Variants in ALK observed in about 807,000 individuals in gnomAD.
ALK encodes the protein ALK receptor tyrosine kinase.
A neutral mutation model predicts 163.1 loss-of-function variants in ALK; 74 were observed. The observed-to-expected ratio is 0.45, with a 90% confidence interval of 0.38 to 0.55. The LOEUF is 0.55. ALK is among the 20% of genes least tolerant of loss of function. The pLI, the probability that ALK is intolerant of heterozygous loss-of-function variation, is 0.00. For synonymous variants in ALK, 960 were observed against 843.2 expected, an observed-to-expected ratio of 1.14 and a Z score of -2.40; for missense variants, 2,063 against 2,105.3, an observed-to-expected ratio of 0.98 and a Z score of 0.39.
chr2:29,546,770 T>C (rs1440715378), intron 3 of ALK, among the ~76,000 whole-genome samples: 1 of 152,124 alleles, frequency 6.6e-6, no homozygotes, highest in African/African-American at 2.4e-5. Context: ...GGGCATTCCA[T>C]TGATTTTTTT....
chr2:29,530,289 T>C (rs1441231879), intron 4 of ALK, among the ~76,000 whole-genome samples: 1 of 152,214 alleles, frequency 6.6e-6, no homozygotes, highest in Non-Finnish European at 1.5e-5. Context: ...TGCAAGGCCC[T>C]ATGGCCAGTC....
chr2:29,894,933 T>C, intron 1 of ALK, among the ~76,000 whole-genome samples: 1 of 152,114 alleles, frequency 6.6e-6, no homozygotes, highest in Middle Eastern at 3.2e-3. Context: ...TAGAGAGATG[T>C]AGCATTTGTT....
At chr2:29,780,565 A>G (rs72854203) in intron 1 of ALK, among the ~76,000 whole-genome samples, 1,881 of 152,368 alleles carry the variant, frequency 0.012, 31 homozygotes, top group African/African-American at 0.043. Context: ...GCCTAACTGC[A>G]ACATGACAGG....
intron 4 of ALK, among the ~76,000 whole-genome samples, chr2:29,424,119 A>C (rs537828026): frequency 1.3e-5 from 2 of 152,350 alleles, no homozygotes; most frequent in Admixed American, 1.3e-4. Flanking sequence ...GAAAGAGAGA[A>C]AGGTAAAGTG....
At chr2:29,662,905 A>G (rs1677393326) in intron 3 of ALK, among the ~76,000 whole-genome samples, 1 of 152,094 alleles carries the variant, frequency 6.6e-6, no homozygotes, top group South Asian at 2.1e-4. Context: ...AATAAGTACC[A>G]TATCTTTTAC....
At chr2:29,791,613 A>T (rs1664191562) in intron 1 of ALK, among the ~76,000 whole-genome samples, 1 of 152,132 alleles carries the variant, frequency 6.6e-6, no homozygotes, top group South Asian at 2.1e-4. Context: ...TGTATCCCAG[A>T]ACTTAAAGTA....
intron 1 of ALK, among the ~76,000 whole-genome samples, chr2:29,821,106 T>C (rs927750702): frequency 6.6e-6 from 1 of 152,112 alleles, no homozygotes; most frequent in African/African-American, 2.4e-5. Flanking sequence ...CCAAATCAAG[T>C]GTCACAGTGG....
chr2:29,384,002 C>T, intron 4 of ALK, 143 bp from the exon 5 acceptor site: 1 of 983,420 alleles, frequency 1.0e-6, no homozygotes, highest in Non-Finnish European at 1.6e-6. Flanking sequence ...CTCGAAGTGG[C>T]ACTGAGGACA....
intron 3 of ALK, among the ~76,000 whole-genome samples, chr2:29,646,699 G>T (rs1038709282): frequency 3.3e-5 from 5 of 151,940 alleles, no homozygotes; most frequent in Non-Finnish European, 7.4e-5. Flanking sequence ...CTGCCTGGTC[G>T]GCCCTCGCAA....
At chr2:29,675,869 G>A (rs1677857189) in intron 3 of ALK, among the ~76,000 whole-genome samples, 1 of 151,798 alleles carries the variant, frequency 6.6e-6, no homozygotes, top group African/African-American at 2.4e-5. Context: ...ATCCCCTTGA[G>A]GTAAGTTTTA....
At chr2:29,625,100 G>A (rs147730358) in intron 3 of ALK, among the ~76,000 whole-genome samples, 37 of 152,326 alleles carry the variant, frequency 2.4e-4, no homozygotes, top group Non-Finnish European at 3.7e-4. Flanking sequence ...ACTGGTGGCC[G>A]TGGAATGTGT....
intron 9 of ALK, among the ~76,000 whole-genome samples, chr2:29,283,606 G>T (rs116186002): frequency 1.2e-3 from 176 of 152,134 alleles, no homozygotes; most frequent in African/African-American, 4.1e-3. Flanking sequence ...GCTTGGTGAG[G>T]ACTAGTTTCA....
intron 3 of ALK, among the ~76,000 whole-genome samples, chr2:29,606,033 C>A (rs1675534213): frequency 1.3e-5 from 2 of 152,204 alleles, no homozygotes; most frequent in Non-Finnish European, 2.9e-5. Context: ...CCTCCCACCC[C>A]CACTGCCACC....
rs532257199 is a variant in ALK at position 29,357,254 on chromosome 2, G to T, written c.1282+26478C>A. Among the ~76,000 whole-genome samples the T allele has an allele frequency of 2.6e-5, 4 of 152,304 alleles. No individual in the cohort carries two copies. The South Asian group carries it at 6.2e-4, about 24-fold the overall frequency. ...AAATATGAGTCAGCAATGATTAGTGGTGACAATGCAGACACTAGTTAGTTC... is the reference window on the plus strand; with the variant it reads ...AAATATGAGTCAGCAATGATTAGTGTTGACAATGCAGACACTAGTTAGTTC... On this transcript the variant is annotated intron_variant, in intron 5 of 28. Transcript: ENST00000389048.
Position 29,908,580 on chromosome 2 carries a change from T to C in ALK, c.667+11413A>G, listed in dbSNP as rs78785245. Among the ~76,000 whole-genome samples, 25 of 152,370 alleles carry C rather than the reference T, an allele frequency of 1.6e-4. No individual in the cohort carries two copies. The East Asian group carries it at 4.8e-3, about 29-fold the overall frequency. On this transcript the variant is annotated intron_variant, in intron 1 of 28. Transcript: ENST00000389048. ...CATTCTCAGCAGATATCCTTTGACC[T>C]GACTCCCTGCCAAAAGGCAATAAGC...
chr2:29,492,711 T>C (rs909701085), intron 4 of ALK, among the ~76,000 whole-genome samples: 4 of 152,186 alleles, frequency 2.6e-5, no homozygotes, highest in Admixed American at 6.5e-5. Flanking sequence ...AGAGCAGATG[T>C]AAATAACATC....
chr2:29,240,791 C>A (rs1664503876), intron 12 of ALK, among the ~76,000 whole-genome samples: 1 of 152,164 alleles, frequency 6.6e-6, no homozygotes, highest in Admixed American at 6.5e-5. Flanking sequence ...AACGCACCAG[C>A]TAACAAATGT....
rs115392387 is a variant in ALK, at chr2:29,920,015, A to G, written c.645T>C (p.Leu215=). 1.6e-3 allele frequency: 2,523 copies of G among 1,613,982 alleles called. 37 individuals carry two copies. In the African/African-American group the frequency reaches 0.03, roughly 19 times the overall value. Residue 215 remains leucine (L), a synonymous_variant, in exon 1 of 29, where the codon CTT becomes CTC. Transcript: ENST00000389048. ...CACCAGTCCCGAAGATCTGGAAGAG[A>G]AGGCGGGGCTGGGAGGCGCGAATTG... is the stretch of plus-strand genomic sequence containing the variant. ...SAAIRASQPR[L]LFQIFGTGHS...
At chr2:29,806,485 C>T (rs991614963) in intron 1 of ALK, among the ~76,000 whole-genome samples, 3 of 152,092 alleles carry the variant, frequency 2.0e-5, no homozygotes, top group African/African-American at 4.8e-5. Context: ...GAGAAGGAGC[C>T]GCCAGCTGAT....
Sources: allele counts gnomAD v4.1 joint callset (sites outside exome capture counted in the v4.1 genomes callset), GRCh38; gene constraint gnomAD v4.1.1; transcripts MANE v1.5; gene names NCBI Gene and HGNC (gene_info 2026-07-23, HGNC 2026-07-21).